BMPR1B: variants seen among roughly 807,000 people sequenced by gnomAD.
BMPR1B encodes the protein bone morphogenetic protein receptor type-1B.
A neutral mutation model predicts 59.1 loss-of-function variants in BMPR1B; 12 were observed. The ratio of observed to expected loss-of-function variants is 0.20; its 90% CI spans 0.13 to 0.33. BMPR1B has a LOEUF of 0.33. BMPR1B is among the 10% of genes least tolerant of loss of function. BMPR1B has a pLI of 1.00. For missense variants in BMPR1B, 550 were observed against 610.9 expected, an observed-to-expected ratio of 0.90 and a Z score of 1.05; for synonymous variants, 237 against 207.3, an observed-to-expected ratio of 1.14 and a Z score of -1.23.
Position 95,123,918 on chromosome 4 carries a change from A to C in BMPR1B, c.446+12A>C. The C allele has an allele frequency of 6.3e-7, 1 of 1,585,960 alleles. No individual in the cohort carries two copies. On this transcript the variant is annotated intron_variant, in intron 7 of 12. Coordinates refer to ENST00000515059, the MANE Select transcript of BMPR1B (RefSeq NM_001203.3). ...TTTTGTTACTTCCGGTAAGTTTCTA[A>C]CATGTAGATGCAAAATTTTTAATTT...
chr4:94,857,019 G>A (rs1488378534), intron 1 of BMPR1B, among the ~76,000 whole-genome samples: 5 of 152,090 alleles, frequency 3.3e-5, no homozygotes, highest in Admixed American at 6.5e-5. Flanking sequence ...TGCAGAGGGG[G>A]CAAGAAAGAA....
At chr4:94,980,268 A>AAAT (rs376738341) in intron 2 of BMPR1B, among the ~76,000 whole-genome samples, 105 of 152,298 alleles carry the variant, frequency 6.9e-4, no homozygotes, top group African/African-American at 2.3e-3. Flanking sequence ...TGATTTTCTA[A>AAAT]AATATAGGCA....
chr4:95,129,415 C>T (rs994798221), intron 8 of BMPR1B, among the ~76,000 whole-genome samples: 1 of 151,998 alleles, frequency 6.6e-6, no homozygotes, highest in African/African-American at 2.4e-5. Flanking sequence ...TTCTTCCTCC[C>T]TGCATATAGA....
intron 3 of BMPR1B, among the ~76,000 whole-genome samples, chr4:95,035,360 A>G (rs1043881562): frequency 6.6e-6 from 1 of 152,136 alleles, no homozygotes; most frequent in Non-Finnish European, 1.5e-5. Context: ...GCCTAAGCCA[A>G]TGTCTAGGAG....
chr4:94,758,349 C>T (rs1721611224), intron 1 of BMPR1B, among the ~76,000 whole-genome samples: 2 of 150,960 alleles, frequency 1.3e-5, no homozygotes, highest in South Asian at 4.2e-4. Context: ...CTGCCGGGAC[C>T]CCGAGGCCTC....
At chr4:94,947,392 T>G (rs901062056) in intron 2 of BMPR1B, among the ~76,000 whole-genome samples, 1 of 152,184 alleles carries the variant, frequency 6.6e-6, no homozygotes, top group Non-Finnish European at 1.5e-5. Context: ...AAAGACTGGA[T>G]AGTGTGAGTT....
intron 3 of BMPR1B, among the ~76,000 whole-genome samples, chr4:95,039,025 C>A (rs1347730486): frequency 1.3e-5 from 2 of 152,174 alleles, no homozygotes; most frequent in African/African-American, 2.4e-5. Context: ...CATAAGAGTT[C>A]TGACTAACCG....
At chr4:94,982,389 A>G (rs1721139500) in intron 2 of BMPR1B, among the ~76,000 whole-genome samples, 1 of 152,208 alleles carries the variant, frequency 6.6e-6, no homozygotes, top group African/African-American at 2.4e-5. Flanking sequence ...TGAAATCTTT[A>G]TCTTCCAAAG....
intron 1 of BMPR1B, among the ~76,000 whole-genome samples, chr4:94,842,768 T>C (rs1725142412): frequency 6.6e-6 from 1 of 152,182 alleles, no homozygotes; most frequent in Non-Finnish European, 1.5e-5. Context: ...TAACCCCAGG[T>C]TTCCTCTGTG....
chr4:95,149,171 G>A (rs943300113), intron 11 of BMPR1B, among the ~76,000 whole-genome samples: 2 of 152,114 alleles, frequency 1.3e-5, no homozygotes, highest in Non-Finnish European at 2.9e-5. Flanking sequence ...AAGCATCACT[G>A]TTTTCTGCTC....
At position 95,041,720 on chromosome 4, in the gene BMPR1B, C is replaced by T. The variant is rs544235693; in HGVS notation, c.-18+45586C>T. ...ATGAATTCTTAACCAGTTCTCAGGG[C>T]TTTTATCTTAGGCATACACAGTATT... is the stretch of plus-strand genomic sequence containing the variant. On this transcript the variant is annotated intron_variant, in intron 3 of 12. Coordinates refer to ENST00000515059, the MANE Select transcript of BMPR1B (RefSeq NM_001203.3). 6.6e-5 allele frequency among the ~76,000 whole-genome samples: 10 copies of T among 152,024 alleles called. No homozygotes were observed. In the East Asian group the frequency reaches 1.2e-3, roughly 18 times the overall value.
At chr4:94,848,187 A>G (rs1233356184) in intron 1 of BMPR1B, among the ~76,000 whole-genome samples, 1 of 92,176 alleles carries the variant, frequency 1.1e-5, no homozygotes, top group Non-Finnish European at 2.2e-5. Context: ...TTTATTAGGA[A>G]TTAGAAGAAA....
intron 3 of BMPR1B, among the ~76,000 whole-genome samples, chr4:94,998,191 A>G (rs1722190332): frequency 6.6e-6 from 1 of 152,148 alleles, no homozygotes; most frequent in Non-Finnish European, 1.5e-5. Context: ...TCATATTTAT[A>G]AATAATATTT....
At chr4:95,131,790 G>A (rs377244126) in intron 10 of BMPR1B, among the ~76,000 whole-genome samples, 9 of 152,166 alleles carry the variant, frequency 5.9e-5, no homozygotes, top group African/African-American at 9.7e-5. Context: ...CTGGGAATAC[G>A]TAGTCAGAAT....
chr4:95,061,188 C>G (rs1180453886), intron 3 of BMPR1B, among the ~76,000 whole-genome samples: 2 of 140,672 alleles, frequency 1.4e-5, no homozygotes, highest in Non-Finnish European at 3.2e-5. Flanking sequence ...CACACACACA[C>G]ACACACACAC....
intron 1 of BMPR1B, among the ~76,000 whole-genome samples, chr4:94,780,445 A>G (rs1161368737): frequency 1.3e-5 from 2 of 152,098 alleles, no homozygotes; most frequent in Non-Finnish European, 2.9e-5. Context: ...TGTTGTTTAT[A>G]CTTTTTGGTT....
intron 3 of BMPR1B, chr4:94,996,396 T>G (rs1283517595): frequency 6.6e-6 from 1 of 152,216 alleles, no homozygotes; most frequent in Non-Finnish European, 1.5e-5. Context: ...TAAGTTTCTG[T>G]CTCTTCATTC....
chr4:95,080,987 A>T (rs1729093277), intron 3 of BMPR1B, among the ~76,000 whole-genome samples: 1 of 152,150 alleles, frequency 6.6e-6, no homozygotes, highest in Non-Finnish European at 1.5e-5. Context: ...TGTACTTCCC[A>T]TAATCCCCAC....
intron 3 of BMPR1B, among the ~76,000 whole-genome samples, chr4:95,090,161 C>G (rs1729874733): frequency 1.3e-5 from 2 of 151,876 alleles, no homozygotes; most frequent in South Asian, 4.2e-4. Flanking sequence ...AATACATATC[C>G]TATGCATATT....
Sources: allele counts gnomAD v4.1 joint callset (sites outside exome capture counted in the v4.1 genomes callset), GRCh38; gene constraint gnomAD v4.1.1; transcripts MANE v1.5; gene names NCBI Gene and HGNC (gene_info 2026-07-23, HGNC 2026-07-21).